CRAMP1: variants seen among roughly 807,000 people sequenced by gnomAD.
CRAMP1 encodes cramped chromatin regulator 1.
A neutral mutation model predicts 115.4 loss-of-function variants in CRAMP1; 50 were observed. That is an observed-to-expected ratio of 0.43 (90% CI 0.35 to 0.55). The LOEUF (loss-of-function observed/expected upper bound fraction) is 0.55, where lower values mean the gene tolerates loss of function less well. Among genes scored for constraint, CRAMP1 ranks in the 20% least tolerant of loss-of-function variants. The pLI, the probability that CRAMP1 is intolerant of heterozygous loss-of-function variation, is 0.01. For missense variants in CRAMP1, 1,679 were observed against 1,721.7 expected (o/e 0.98, Z 0.44); for synonymous variants, 866 against 745.4 (o/e 1.16, Z -2.64).
intron 2 of CRAMP1, among the ~76,000 whole-genome samples, chr16:1,618,199 T>G (rs1261508425): frequency 6.6e-6 from 1 of 152,168 alleles, no homozygotes; most frequent in Non-Finnish European, 1.5e-5. Flanking sequence ...TCAGAATCGC[T>G]TGAACCCGGG....
chr16:1,642,969 A>G (rs974211693), intron 6 of CRAMP1, among the ~76,000 whole-genome samples: 1 of 152,314 alleles, frequency 6.6e-6, no homozygotes, highest in East Asian at 1.9e-4. Context: ...TAAGAAATAG[A>G]TTCCTTCTGA....
chr16:1,667,451 TCCAGTG>T, intron 17 of CRAMP1, 51 bp downstream of exon 17: 10 of 1,451,634 alleles, frequency 6.9e-6, no homozygotes, highest in Non-Finnish European at 8.7e-6. Context: ...CAGGACTCCC[TCCAGTG>T]CCCTGAGCTG....
chr16:1,638,045 A>G, intron 5 of CRAMP1, 138 bp downstream of exon 5: 1 of 463,382 alleles, frequency 2.2e-6, no homozygotes, highest in Non-Finnish European at 3.8e-6. Flanking sequence ...GAAGAATATG[A>G]TGGCGGCCGT....
chr16:1,636,589 A>T (rs2036590217), intron 4 of CRAMP1, among the ~76,000 whole-genome samples: 1 of 152,192 alleles, frequency 6.6e-6, no homozygotes, highest in Non-Finnish European at 1.5e-5. Flanking sequence ...AGAGAGGACA[A>T]TTGTGAGAGT....
Position 1,669,394 on chromosome 16 carries a change from T to C in CRAMP1, c.3499+229T>C, listed in dbSNP as rs1357061692. On this transcript the variant is annotated intron_variant, in intron 19 of 20. Transcript: ENST00000397412. This position sits in a 1 kb window ranked among gnomAD's most constrained non-coding sequence, Gnocchi z 4.6. ...CAAGCTTTGGCAAGCATGTATAGCC[T>C]GGTAACCCACAAGCCAATGGAGACC... 6.6e-6 allele frequency among the ~76,000 whole-genome samples: 1 copy of C among 152,242 alleles called. No individual in the cohort carries two copies. Among genetic ancestry groups the C allele is most frequent in the African/African-American group, 2.4e-5 (1 of 41,468 alleles).
chr16:1,666,333 G>T lies in CRAMP1; in HGVS notation c.2858-89G>T, dbSNP rs2036875694. On this transcript the variant is annotated intron_variant, in intron 15 of 20. Transcript: ENST00000397412. The surrounding 1 kb of genome is among the most constrained non-coding windows in gnomAD (Gnocchi z 5.0). ...CTTGGCTCTTGCATTGACATGAGGT[G>T]CGAGGGAGAAGCTGTTCCCCGAGCC... The T allele has an allele frequency of 5.3e-6, 7 of 1,320,670 alleles. No individual in the cohort carries two copies. The highest frequency in any genetic ancestry group is 6.4e-6 in the Non-Finnish European group (6 of 943,436). 81.8% of individuals were successfully genotyped at this position (1,320,670 alleles called of 1,614,324 possible). A position where few individuals can be genotyped will look rare whatever the true frequency, so the allele number is the denominator to read the frequency against.
chr16:1,621,530 GTGGGTTCCATT>G (rs2036465983), intron 2 of CRAMP1, among the ~76,000 whole-genome samples: 1 of 152,224 alleles, frequency 6.6e-6, no homozygotes. Flanking sequence ...AAGCAGGAAG[GTGGGTTCCATT>G]TGGGAGGACC....
At chr16:1,618,811 A>G (rs2036442200) in intron 2 of CRAMP1, among the ~76,000 whole-genome samples, 1 of 152,106 alleles carries the variant, frequency 6.6e-6, no homozygotes, top group Non-Finnish European at 1.5e-5. Flanking sequence ...TGGAGGCTGC[A>G]GTGAGCTGTG....
At chr16:1,653,821 AAAAAAAAAAAAAAAAACAAAC>A (rs2036745611) in intron 8 of CRAMP1, among the ~76,000 whole-genome samples, 1 of 126,440 alleles carries the variant, frequency 7.9e-6, no homozygotes, top group African/African-American at 3.0e-5. Flanking sequence ...ACTCTGTCTC[AAAAAAAAAAAAAAAAACAAAC>A]AAAAAAGAAA....
rs560493475 is a variant in CRAMP1, at chr16:1,666,336, A to C, written c.2858-86A>C. On this transcript the variant is annotated intron_variant, in intron 15 of 20. Transcript: ENST00000397412. This position sits in a 1 kb window ranked among gnomAD's most constrained non-coding sequence, Gnocchi z 5.0. ...GGCTCTTGCATTGACATGAGGTGCG[A>C]GGGAGAAGCTGTTCCCCGAGCCCTC... 1 of 1,344,822 alleles carries C rather than the reference A, an allele frequency of 7.4e-7. No individual in the cohort carries two copies. The highest frequency in any genetic ancestry group is 1.3e-5 in the South Asian group (1 of 76,944). 83.3% of individuals were successfully genotyped at this position (1,344,822 alleles called of 1,614,324 possible).
intron 14 of CRAMP1, chr16:1,665,817 A>G: frequency 2.0e-6 from 1 of 491,566 alleles, no homozygotes; most frequent in Admixed American, 3.5e-5. Flanking sequence ...CCATTTCCGC[A>G]GGATGACAGT....
At chr16:1,640,267 C>T (rs142429559) in intron 5 of CRAMP1, among the ~76,000 whole-genome samples, 71 of 152,178 alleles carry the variant, frequency 4.7e-4, no homozygotes, top group East Asian at 1.3e-3. Context: ...ATGTATTTGC[C>T]GGATAGAGAA....
At position 1,666,525 on chromosome 16, in the gene CRAMP1, C is replaced by T. The variant is rs374645426; in HGVS notation, c.2961C>T (p.Asp987=). The stretch of plus-strand genomic sequence containing the variant: ...CTGGCATCTCTCCACTGTCTTCAGA[C>T]GAGGTGACGGGTGCCATCTCGGGGC... The part of the protein sequence containing the change: ...GLSGISPLSS[D]EVTGAISGQD... The change falls in exon 16 of 21, where the codon GAC becomes GAT. Residue 987 remains aspartate (D), a synonymous_variant. Transcript: ENST00000397412. The surrounding 1 kb of genome is among the most constrained non-coding windows in gnomAD (Gnocchi z 5.0). The T allele has an allele frequency of 8.7e-4, 1,410 of 1,613,926 alleles. No individual in the cohort carries two copies. The highest frequency in any genetic ancestry group is 1.1e-3 in the Non-Finnish European group (1,303 of 1,179,828).
At chr16:1,657,268 G>A (rs983390688) in intron 10 of CRAMP1, among the ~76,000 whole-genome samples, 1 of 152,220 alleles carries the variant, frequency 6.6e-6, no homozygotes, top group South Asian at 2.1e-4. Flanking sequence ...TTACGTGCAC[G>A]GTTCCAGAAG....
In CRAMP1 at chr16:1,674,144, C is replaced by T. The variant is rs1826206889; in HGVS notation, c.*99C>T. ...TGGTCTGAACAGAGGCATCTCCGCA[C>T]CCAAGACTGTGCAACGGGCAGGAAC... On this transcript the variant is annotated 3_prime_UTR_variant, in exon 21 of 21. Coordinates refer to ENST00000397412, the MANE Select transcript of CRAMP1 (RefSeq NM_020825.4). The T allele has an allele frequency of 1.6e-6, 2 of 1,213,340 alleles. No homozygotes were observed. The highest frequency in any genetic ancestry group is 2.3e-6 in the Non-Finnish European group (2 of 877,028). The allele number at this position is 1,213,340 out of a possible 1,614,324, so 75.2% of individuals were successfully genotyped here. A position where few individuals can be genotyped will look rare whatever the true frequency, so the allele number is the denominator to read the frequency against.
chr16:1,643,563 C>A (rs1425190977), intron 6 of CRAMP1, among the ~76,000 whole-genome samples: 2 of 150,410 alleles, frequency 1.3e-5, no homozygotes, highest in African/African-American at 4.9e-5. Context: ...AAAAAAAAAA[C>A]CCTCAGGTGG....
chr16:1,651,415 C>CAG, intron 6 of CRAMP1, among the ~76,000 whole-genome samples: 1 of 149,730 alleles, frequency 6.7e-6, no homozygotes, highest in African/African-American at 2.5e-5. Context: ...ACTGAGGTCA[C>CAG]AGAGGTCACC....
intron 19 of CRAMP1, chr16:1,670,405 G>T: frequency 2.2e-6 from 1 of 446,572 alleles, no homozygotes; most frequent in Non-Finnish European, 4.0e-6. Context: ...CGTGATGGGG[G>T]TGGGGGATGG....
intron 11 of CRAMP1, among the ~76,000 whole-genome samples, chr16:1,660,580 C>T (rs1186627552): frequency 6.6e-6 from 1 of 151,754 alleles, no homozygotes; most frequent in Non-Finnish European, 1.5e-5. Context: ...AATTGTGTTC[C>T]TGGTACATAA....
Sources: allele counts gnomAD v4.1 joint callset (sites outside exome capture counted in the v4.1 genomes callset), GRCh38; gene constraint gnomAD v4.1.1; non-coding constraint Gnocchi (gnomAD v3.1); transcripts MANE v1.5; gene names NCBI Gene and HGNC (gene_info 2026-07-23, HGNC 2026-07-21).